The following LIMK1 variants were observed in gnomAD, a reference collection of about 807,000 sequenced individuals.
LIMK1 encodes the protein LIM domain kinase 1, also known as LIM motif-containing protein kinase.
A neutral mutation model predicts 77.6 loss-of-function variants in LIMK1; 21 were observed. The observed-to-expected ratio is 0.27, with a 90% CI of 0.19 to 0.39. The LOEUF is 0.39. Ranked by LOEUF, LIMK1 falls within the 10% of genes least tolerant of loss-of-function variation. LIMK1 has a pLI of 1.00. For missense variants in LIMK1, 696 were observed against 901.6 expected (o/e 0.77, Z 2.92); for synonymous variants, 358 against 370.0 (o/e 0.97, Z 0.37).
Position 74,095,659 on chromosome 7 carries a change from G to A in LIMK1, c.153-963G>A, listed in dbSNP as rs1380997865. 3.3e-5 allele frequency among the ~76,000 whole-genome samples: 5 copies of A among 152,032 alleles called. No homozygotes were observed. The East Asian group carries it at 7.7e-4, about 23-fold the overall frequency. On this transcript the variant is annotated intron_variant, in intron 2 of 15. Coordinates refer to ENST00000336180, the MANE Select transcript of LIMK1 (RefSeq NM_002314.4). ...GGCCTCAAGTGATCCTCCCACCTTCGCCTCCTGAAGTGCTGAGATTACAGG... is the reference window on the plus strand; with the variant it reads ...GGCCTCAAGTGATCCTCCCACCTTCACCTCCTGAAGTGCTGAGATTACAGG...
chr7:74,099,419 A>G (rs771765050), intron 5 of LIMK1, among the ~76,000 whole-genome samples, 181 bp downstream of exon 5: 2 of 152,188 alleles, frequency 1.3e-5, no homozygotes, highest in Non-Finnish European at 2.9e-5. Flanking sequence ...ATACCATTAC[A>G]AATGCCAGAT....
intron 2 of LIMK1, among the ~76,000 whole-genome samples, chr7:74,087,970 A>C (rs2115617347): frequency 6.6e-6 from 1 of 151,892 alleles, no homozygotes; most frequent in East Asian, 1.9e-4. Context: ...TGCAGTGGTG[A>C]GATCATAGCC....
intron 1 of LIMK1, among the ~76,000 whole-genome samples, chr7:74,084,329 G>T (rs1799090238): frequency 6.6e-6 from 1 of 151,930 alleles, no homozygotes; most frequent in South Asian, 2.1e-4. Context: ...ACCCCGCGTC[G>T]GCCTCCATCC....
intron 10 of LIMK1, 136 bp from the exon 11 acceptor site, chr7:74,111,512 G>A: frequency 2.9e-6 from 2 of 692,606 alleles, no homozygotes; most frequent in South Asian, 1.6e-5. Context: ...AGTTGTGGGT[G>A]CCCGAAGAAA....
chr7:74,090,995 G>A (rs546102544), intron 2 of LIMK1, among the ~76,000 whole-genome samples: 28 of 152,246 alleles, frequency 1.8e-4, no homozygotes, highest in South Asian at 4.1e-4. Context: ...CTTACTGCAA[G>A]CTCTGCCTCC....
chr7:74,085,183 T>C lies in LIMK1; in HGVS notation c.56-565T>C, dbSNP rs561910017. 3.9e-5 allele frequency among the ~76,000 whole-genome samples: 6 copies of C among 152,308 alleles called. No homozygotes were observed. In the East Asian group the frequency reaches 1.2e-3, roughly 29 times the overall value. ...GCCAGGCCTCCCTGGGACAGGTGTC[T>C]GGGAGTACCCAGGTCTGCAGCCCCC... On this transcript the variant is annotated intron_variant, in intron 1 of 15. Transcript: ENST00000336180.
chr7:74,085,073 C>T (rs545868103), intron 1 of LIMK1, among the ~76,000 whole-genome samples: 3 of 152,318 alleles, frequency 2.0e-5, no homozygotes, highest in Admixed American at 2.0e-4. Flanking sequence ...AGGGGCAGGT[C>T]TGGGGCATTT....
chr7:74,107,832 C>G, intron 8 of LIMK1, 39 bp from the exon 9 acceptor site: 1 of 1,520,036 alleles, frequency 6.6e-7, no homozygotes, highest in Non-Finnish European at 8.9e-7. Context: ...GGGCTTACAG[C>G]AGAGCTTCTG....
intron 2 of LIMK1, chr7:74,093,095 A>G: frequency 7.1e-7 from 1 of 1,401,398 alleles, no homozygotes; most frequent in Non-Finnish European, 9.3e-7. Flanking sequence ...CCTGGCACCC[A>G]CGCGGCTGCA....
At chr7:74,115,779 A>G (rs2115748414) in intron 12 of LIMK1, 23 bp from the exon 13 acceptor site, 1 of 1,611,744 alleles carries the variant, frequency 6.2e-7, no homozygotes, top group Non-Finnish European at 8.5e-7. Flanking sequence ...GGGTCCCAGC[A>G]TGACCCGGCT....
At chr7:74,085,877 TA>T (rs1244442313) in intron 2 of LIMK1, 33 bp downstream of exon 2, 8 of 1,481,118 alleles carry the variant, frequency 5.4e-6, no homozygotes, top group Non-Finnish European at 7.3e-6. Flanking sequence ...TGTGTTGCCC[TA>T]AACAAGGCCT....
At chr7:74,106,344 G>T in intron 7 of LIMK1, 101 bp downstream of exon 7, 1 of 1,367,100 alleles carries the variant, frequency 7.3e-7, no homozygotes, top group African/African-American at 1.5e-5. Flanking sequence ...CACAAATGCA[G>T]CCCAGGCTTG....
At chr7:74,094,328 TGAA>T (rs1434806999) in intron 2 of LIMK1, 1 of 152,224 alleles carries the variant, frequency 6.6e-6, no homozygotes, top group Non-Finnish European at 1.5e-5. Context: ...GCAACAGTGA[TGAA>T]GGTTTGTGAG....
At chr7:74,114,486 G>A (rs1799767252) in intron 12 of LIMK1, among the ~76,000 whole-genome samples, 1 of 151,296 alleles carries the variant, frequency 6.6e-6, no homozygotes, top group Non-Finnish European at 1.5e-5. Context: ...GGGAAGTTGA[G>A]GCTGCAATGA....
At chr7:74,102,460 A>T (rs1354252153) in intron 5 of LIMK1, among the ~76,000 whole-genome samples, 2 of 96,338 alleles carry the variant, frequency 2.1e-5, no homozygotes, top group African/African-American at 7.0e-5. Flanking sequence ...ATTATGCTAG[A>T]TATTCTCAAA....
Position 74,115,810 on chromosome 7 carries a change from T to G in LIMK1, c.1419T>G (p.Asn473Lys). Residue 473 changes from asparagine to lysine, a missense_variant, in exon 13 of 16, where the codon AAT becomes AAG. Physicochemically the swap from Asn to Lys is moderately conservative, Grantham distance 94. Transcript: ENST00000336180. ...CGGCTTCACCTTCCCAGAACAAGAATGTGGTGGTGGCTGACTTCGGGCTGG... is the reference window on the plus strand; with the variant it reads ...CGGCTTCACCTTCCCAGAACAAGAAGGTGGTGGTGGCTGACTTCGGGCTGG... The part of the protein sequence containing the change: ...SHNCLVRENK[N>K]VVVADFGLAR... 1 of 1,613,948 alleles carries G rather than the reference T, an allele frequency of 6.2e-7. No individual in the cohort carries two copies. Among genetic ancestry groups the G allele is most frequent in the Non-Finnish European group, 8.5e-7 (1 of 1,179,910 alleles).
chr7:74,104,958 T>C (rs1323442386), intron 5 of LIMK1, among the ~76,000 whole-genome samples: 1 of 152,188 alleles, frequency 6.6e-6, no homozygotes, highest in Middle Eastern at 3.2e-3. Flanking sequence ...TCTGTAATCC[T>C]AGCACTTTGT....
chr7:74,097,784 C>G (rs1357584328), intron 4 of LIMK1, among the ~76,000 whole-genome samples: 1 of 152,228 alleles, frequency 6.6e-6, no homozygotes, highest in Non-Finnish European at 1.5e-5. Context: ...GACACCATCC[C>G]CAGCATAACT....
chr7:74,115,569 C>T lies in LIMK1; in HGVS notation c.1411-233C>T, dbSNP rs191612883. The T allele has an allele frequency of 3.8e-4, 192 of 508,970 alleles. 4 individuals are homozygous for T. The highest frequency in any genetic ancestry group is 3.6e-3 in the Admixed American group (104 of 28,934). The allele number at this position is 508,970 out of a possible 1,614,324, so 31.5% of individuals were successfully genotyped here. ...GGTGGGGAGGGGGCAGAGGGTGCAGCGTGTGGTGGGAGGGAGGAAGCCACA... is the reference window on the plus strand; with the variant it reads ...GGTGGGGAGGGGGCAGAGGGTGCAGTGTGTGGTGGGAGGGAGGAAGCCACA... On this transcript the variant is annotated intron_variant, in intron 12 of 15. Transcript: ENST00000336180.
Sources: gnomAD v4.1 joint callset for allele counts (sites outside exome capture counted in the v4.1 genomes callset) on GRCh38, gnomAD v4.1.1 for gene constraint, MANE v1.5 for transcripts, NCBI Gene and HGNC (gene_info 2026-07-23, HGNC 2026-07-21) for gene names.